METAP2: variants seen among roughly 807,000 people sequenced by gnomAD.
METAP2 encodes the protein methionine aminopeptidase 2.
Under a neutral mutation model 59.4 loss-of-function variants are expected in METAP2, and 25 were observed. The ratio of observed to expected loss-of-function variants is 0.42; its 90% CI spans 0.31 to 0.59. The LOEUF (loss-of-function observed/expected upper bound fraction) is 0.59. Among genes scored for constraint, METAP2 ranks in the 20% least tolerant of loss-of-function variants. The pLI, the probability that METAP2 is intolerant of heterozygous loss-of-function variation, is 0.16. For missense variants in METAP2, 366 were observed against 581.2 expected, an observed-to-expected ratio of 0.63 and a Z score of 3.81; for synonymous variants, 214 against 194.1, an observed-to-expected ratio of 1.10 and a Z score of -0.85.
chr12:95,491,452 C>T (rs1431075622), intron 4 of METAP2, among the ~76,000 whole-genome samples: 1 of 152,134 alleles, frequency 6.6e-6, no homozygotes, highest in African/African-American at 2.4e-5. Flanking sequence ...TTATTTCTTA[C>T]CCTTTAAGTA....
intron 10 of METAP2, among the ~76,000 whole-genome samples, 161 bp downstream of exon 10, chr12:95,513,077 C>T (rs1290825828): frequency 7.2e-6 from 1 of 138,898 alleles, no homozygotes; most frequent in Non-Finnish European, 1.5e-5. Context: ...AACATTTTAA[C>T]TGAGATAAAA....
chr12:95,496,034 C>G lies in METAP2; in HGVS notation c.803C>G (p.Thr268Ser), dbSNP rs773855625. ...GRIIDCAFTV[T>S]FNPKYDTLLK... ...ATTATTGACTGTGCTTTTACTGTCA[C>G]TTTTAATCCCAAATATGATACGTTA... is the stretch of plus-strand genomic sequence containing the variant. Residue 268 changes from threonine (T) to serine (S), a missense_variant, in exon 7 of 11, where the codon ACT becomes AGT. Thr to Ser is a moderately conservative substitution (Grantham distance 58, BLOSUM62 1). This residue lies in a region of METAP2 where 106 missense variants were observed against 221.9 expected (regional missense o/e 0.48). Transcript: ENST00000323666. The G allele has an allele frequency of 1.3e-6, 2 of 1,599,376 alleles. No individual in the cohort carries two copies.
intron 7 of METAP2, among the ~76,000 whole-genome samples, chr12:95,499,263 T>A: frequency 6.6e-6 from 1 of 152,166 alleles, no homozygotes; most frequent in Non-Finnish European, 1.5e-5. Flanking sequence ...TACTTCATCC[T>A]CATAAGTAGT....
chr12:95,487,137 G>A (rs1028952244), intron 4 of METAP2, among the ~76,000 whole-genome samples: 1 of 152,138 alleles, frequency 6.6e-6, no homozygotes, highest in Non-Finnish European at 1.5e-5. Flanking sequence ...TGAACATAAA[G>A]CAAGCTAGTT....
chr12:95,513,583 T>C, intron 10 of METAP2, 69 bp from the exon 11 acceptor site: 1 of 1,540,676 alleles, frequency 6.5e-7, no homozygotes, highest in Non-Finnish European at 8.8e-7. Flanking sequence ...AGGTCTGGGC[T>C]TTTCTTAATG....
intron 4 of METAP2, among the ~76,000 whole-genome samples, chr12:95,488,129 A>G (rs548697294): frequency 1.6e-4 from 24 of 152,014 alleles, no homozygotes; most frequent in Non-Finnish European, 3.1e-4. Flanking sequence ...GCATCTTTTG[A>G]TCGTAGGCTT....
chr12:95,509,530 A>AT (rs2076385966), intron 8 of METAP2, among the ~76,000 whole-genome samples: 1 of 152,142 alleles, frequency 6.6e-6, no homozygotes, highest in East Asian at 1.9e-4. Flanking sequence ...TTGCAGAAGT[A>AT]TTTTTTTGTG....
At chr12:95,487,822 T>C (rs923197155) in intron 4 of METAP2, among the ~76,000 whole-genome samples, 10 of 152,314 alleles carry the variant, frequency 6.6e-5, no homozygotes, top group African/African-American at 2.4e-4. Flanking sequence ...CCAAGTCAAT[T>C]AGAATAGTTC....
chr12:95,474,205 C>A lies in METAP2; in HGVS notation c.26C>A (p.Ala9Asp), dbSNP rs201674273. MAGVEEVAASGSHLNGDLD... is the reference protein window; with the variant it reads MAGVEEVADSGSHLNGDLD... The stretch of plus-strand genomic sequence containing the variant: ...ATGGCGGGTGTGGAGGAGGTAGCGG[C>A]CTCCGGGAGCCACCTGAATGGCGAC... The change falls in exon 1 of 11, where the codon GCC becomes GAC. Residue 9 changes from alanine to aspartate, a missense_variant. Ala to Asp is a moderately radical substitution (Grantham distance 126). Transcript: ENST00000323666. The A allele has an allele frequency of 6.2e-7, 1 of 1,613,996 alleles. No individual in the cohort carries two copies. The highest frequency in any genetic ancestry group is 1.3e-5 in the African/African-American group (1 of 74,944).
intron 8 of METAP2, among the ~76,000 whole-genome samples, chr12:95,506,792 A>ATATTTATT (rs879449367): frequency 0.021 from 2,082 of 99,294 alleles, 40 homozygotes; most frequent in African/African-American, 0.074. Context: ...GCAAAGCAGA[A>ATATTTATT]TACTTATTTA....
intron 3 of METAP2, among the ~76,000 whole-genome samples, chr12:95,485,277 T>G (rs1427844783): frequency 6.6e-6 from 1 of 152,140 alleles, no homozygotes; most frequent in Non-Finnish European, 1.5e-5. Flanking sequence ...GATTACAAAT[T>G]GTGTATTTTT....
intron 2 of METAP2, among the ~76,000 whole-genome samples, chr12:95,481,853 T>C (rs2076160568): frequency 6.6e-6 from 1 of 152,222 alleles, no homozygotes; most frequent in Non-Finnish European, 1.5e-5. Flanking sequence ...AGTCACAACC[T>C]AAAACAAATA....
chr12:95,501,967 AT>A (rs1273827211), intron 7 of METAP2, among the ~76,000 whole-genome samples: 1 of 145,260 alleles, frequency 6.9e-6, no homozygotes, highest in East Asian at 2.0e-4. Context: ...GGGAATCTTA[AT>A]TTCCCCCTCA....
At chr12:95,507,798 GA>G (rs1382864056) in intron 8 of METAP2, among the ~76,000 whole-genome samples, 1 of 148,698 alleles carries the variant, frequency 6.7e-6, no homozygotes, top group African/African-American at 2.5e-5. Flanking sequence ...TTTTTTGAGA[GA>G]GACTTTTGCT....
At chr12:95,483,322 T>C in intron 3 of METAP2, 42 bp downstream of exon 3, 1 of 1,503,158 alleles carries the variant, frequency 6.7e-7, no homozygotes, top group South Asian at 1.1e-5. Context: ...ATTAGAAGTG[T>C]TTATTCTGTC....
chr12:95,483,264 G>A lies in METAP2; in HGVS notation c.309G>A (p.Lys103=). ...DGATGKKKKK[K]KKKRGPKVQT... Reference sequence around the variant, plus strand: ...CAACTGGAAAGAAGAAGAAAAAGAAGAAGAAGAAGAGAGGACGTTAGTGTC... The same window carrying A: ...CAACTGGAAAGAAGAAGAAAAAGAAAAAGAAGAAGAGAGGACGTTAGTGTC... The change falls in exon 3 of 11, where the codon AAG becomes AAA. Residue 103 remains lysine (K), a synonymous_variant. Transcript: ENST00000323666. The A allele has an allele frequency of 6.2e-7, 1 of 1,611,556 alleles. No homozygotes were observed. The highest frequency in any genetic ancestry group is 1.7e-5 in the Admixed American group (1 of 60,012).
intron 5 of METAP2, 74 bp from the exon 6 acceptor site, chr12:95,494,883 A>G (rs1055850079): frequency 6.5e-6 from 8 of 1,221,982 alleles, no homozygotes; most frequent in Middle Eastern, 2.6e-4. Context: ...TCTGGACTTG[A>G]TGAACTATAT....
chr12:95,481,525 C>T (rs1288856556), intron 2 of METAP2, among the ~76,000 whole-genome samples: 2 of 152,178 alleles, frequency 1.3e-5, no homozygotes, highest in Admixed American at 6.5e-5. Context: ...GAACTATAAA[C>T]ATATATAGAT....
chr12:95,507,418 C>G (rs1219822584), intron 8 of METAP2, among the ~76,000 whole-genome samples: 1 of 152,230 alleles, frequency 6.6e-6, no homozygotes, highest in East Asian at 1.9e-4. Context: ...CCAAACAAGC[C>G]TAACACTCTT....
Sources: allele counts gnomAD v4.1 joint callset (sites outside exome capture counted in the v4.1 genomes callset), GRCh38; gene constraint gnomAD v4.1.1; regional missense constraint gnomAD v4.1.1; transcripts MANE v1.5; gene names NCBI Gene and HGNC (gene_info 2026-07-23, HGNC 2026-07-21).